MAP2K5: variants seen among roughly 807,000 people sequenced by gnomAD.
MAP2K5 encodes the protein dual specificity mitogen-activated protein kinase kinase 5.
A neutral mutation model predicts 83.1 loss-of-function variants in MAP2K5; 49 were observed. The ratio of observed to expected loss-of-function variants is 0.59; its 90% CI spans 0.47 to 0.75. The LOEUF is 0.75. Ranked by LOEUF, MAP2K5 falls within the 30% of genes least tolerant of loss-of-function variation. The pLI, the probability that MAP2K5 is intolerant of heterozygous loss-of-function variation, is 0.00. For synonymous variants in MAP2K5, 202 were observed against 191.8 expected (o/e 1.05, Z -0.44); for missense variants, 457 against 557.5 (o/e 0.82, Z 1.82).
chr15:67,777,750 T>C lies in MAP2K5; in HGVS notation c.1242+4998T>C, dbSNP rs185172463. Among the ~76,000 whole-genome samples, 33 of 152,368 alleles carry C rather than the reference T, an allele frequency of 2.2e-4. No homozygotes were observed. The East Asian group carries it at 5.0e-3, about 23-fold the overall frequency. On this transcript the variant is annotated intron_variant, in intron 21 of 21. Transcript: ENST00000178640. The surrounding 1 kb of genome is among the most constrained non-coding windows in gnomAD (Gnocchi z 6.0). ...CTGCTTTAGTAATTGTTTAAAAACATGGGTTTTCTCCTTAGGTTCTAGTAA... is the reference window on the plus strand; with the variant it reads ...CTGCTTTAGTAATTGTTTAAAAACACGGGTTTTCTCCTTAGGTTCTAGTAA...
At chr15:67,596,516 C>A (rs2085530783) in intron 7 of MAP2K5, among the ~76,000 whole-genome samples, 1 of 152,182 alleles carries the variant, frequency 6.6e-6, no homozygotes, top group Non-Finnish European at 1.5e-5. Context: ...AAAACTGTAT[C>A]ATTACTAGTA....
At position 67,774,745 on chromosome 15, in the gene MAP2K5, A is replaced by C. The variant is rs1440576080; in HGVS notation, c.1242+1993A>C. Among the ~76,000 whole-genome samples, 1 of 152,166 alleles carries C rather than the reference A, an allele frequency of 6.6e-6. No homozygotes were observed. The highest frequency in any genetic ancestry group is 2.1e-4 in the South Asian group (1 of 4,836). ...CTGGAATGCATGAACTATAGAGCCC[A>C]TTTGTCACCTGGGTGGGGGCCTGTG... On this transcript the variant is annotated intron_variant, in intron 21 of 21. Transcript: ENST00000178640. This position sits in a 1 kb window ranked among gnomAD's most constrained non-coding sequence, Gnocchi z 4.9.
In MAP2K5 at chr15:67,785,240, C is replaced by G. The variant is rs185886961; in HGVS notation, c.1242+12488C>G. Among the ~76,000 whole-genome samples the G allele has an allele frequency of 8.3e-4, 127 of 152,294 alleles. 4 individuals carry two copies. The East Asian group carries it at 0.019, about 22-fold the overall frequency. On this transcript the variant is annotated intron_variant, in intron 21 of 21. Transcript: ENST00000178640. This position sits in a 1 kb window ranked among gnomAD's most constrained non-coding sequence, Gnocchi z 4.4. ...GATTACAGGTGTGAGCCACCGTGCCCGGCCCCGAACTGTTTCTTAAACACA... is the reference window on the plus strand; with the variant it reads ...GATTACAGGTGTGAGCCACCGTGCCGGGCCCCGAACTGTTTCTTAAACACA...
rs974031006 is a variant in MAP2K5, at chr15:67,764,846, G to T, written c.1135-4756G>T. ...GCAAAAGGCCCTTAACTTTTTTCCA[G>T]TTGAGTATTTATGCCAGCCTTCTCC... On this transcript the variant is annotated intron_variant, in intron 19 of 21. Coordinates refer to ENST00000178640, the MANE Select transcript of MAP2K5 (RefSeq NM_145160.3). This position sits in a 1 kb window ranked among gnomAD's most constrained non-coding sequence, Gnocchi z 4.9. 2.0e-5 allele frequency among the ~76,000 whole-genome samples: 3 copies of T among 152,136 alleles called. No homozygotes were observed. The highest frequency in any genetic ancestry group is 7.2e-5 in the African/African-American group (3 of 41,430).
intron 6 of MAP2K5, among the ~76,000 whole-genome samples, chr15:67,588,606 A>G (rs2141006605): frequency 6.6e-6 from 1 of 152,318 alleles, no homozygotes; most frequent in African/African-American, 2.4e-5. Flanking sequence ...ATCATGTTTG[A>G]ATGAATGAAT....
intron 8 of MAP2K5, among the ~76,000 whole-genome samples, chr15:67,601,452 A>T (rs186426603): frequency 1.3e-5 from 2 of 152,332 alleles, no homozygotes; most frequent in East Asian, 3.9e-4. Flanking sequence ...AAAATATTCC[A>T]CTAGGAATTA....
rs867323769 is a variant in MAP2K5, at chr15:67,577,356, C to A, written c.253-3398C>A. Among the ~76,000 whole-genome samples the A allele has an allele frequency of 2.8e-4, 42 of 152,294 alleles. No homozygotes were observed. The highest frequency in any genetic ancestry group is 2.5e-3 in the South Asian group (12 of 4,830). On this transcript the variant is annotated intron_variant, in intron 3 of 21. Transcript: ENST00000178640. The surrounding 1 kb of genome is among the most constrained non-coding windows in gnomAD (Gnocchi z 4.1). ...ATGAGTGGCAGACTTAGAATTCAAC[C>A]CCATTTCAATCAGTAAATGTTTATT...
chr15:67,598,648 G>A (rs1936269307), intron 7 of MAP2K5, among the ~76,000 whole-genome samples: 1 of 152,046 alleles, frequency 6.6e-6, no homozygotes, highest in South Asian at 2.1e-4. Flanking sequence ...GGATGTAAGT[G>A]GTAAAAAGAC....
chr15:67,737,405 C>T (rs753222259), intron 17 of MAP2K5, among the ~76,000 whole-genome samples: 1 of 152,070 alleles, frequency 6.6e-6, no homozygotes. Flanking sequence ...CAGACCTGGC[C>T]GAGCTTTGTT....
At chr15:67,759,418 A>C (rs1596924460) in intron 19 of MAP2K5, among the ~76,000 whole-genome samples, 1 of 151,816 alleles carries the variant, frequency 6.6e-6, no homozygotes, top group African/African-American at 2.4e-5. Flanking sequence ...AAATTAGCCA[A>C]GCATGGTGGC....
chr15:67,773,987 T>C (rs964831185), intron 21 of MAP2K5, among the ~76,000 whole-genome samples: 4 of 152,202 alleles, frequency 2.6e-5, no homozygotes, highest in African/African-American at 9.7e-5. Flanking sequence ...TGTAAATGCA[T>C]GTTTCAATGC....
intron 13 of MAP2K5, among the ~76,000 whole-genome samples, chr15:67,684,618 A>G (rs2087903967): frequency 1.3e-5 from 2 of 152,222 alleles, no homozygotes; most frequent in East Asian, 1.9e-4. Context: ...GAAAAAATCA[A>G]TCTGTAGAAA....
rs1318145808 is a variant in MAP2K5, at chr15:67,572,699, T to C, written c.253-8055T>C. Among the ~76,000 whole-genome samples, 1 of 126,864 alleles carries C rather than the reference T, an allele frequency of 7.9e-6. No individual in the cohort carries two copies. Among genetic ancestry groups the C allele is most frequent in the African/African-American group, 2.6e-5 (1 of 37,984 alleles). The allele number at this position is 126,864 out of a possible 152,430, so 83.2% of individuals were successfully genotyped here. A position where few individuals can be genotyped will look rare whatever the true frequency, so the allele number is the denominator to read the frequency against. On this transcript the variant is annotated intron_variant, in intron 3 of 21. Coordinates refer to ENST00000178640, the MANE Select transcript of MAP2K5 (RefSeq NM_145160.3). This position sits in a 1 kb window ranked among gnomAD's most constrained non-coding sequence, Gnocchi z 4.2. ...TATATTTTGCAAGAATTGATATTAT[T>C]ATTATTATTTTTTTTTTTGAGATGG...
rs1476787092 is a variant in MAP2K5, at chr15:67,778,903, C to G, written c.1242+6151C>G. On this transcript the variant is annotated intron_variant, in intron 21 of 21. Coordinates refer to ENST00000178640, the MANE Select transcript of MAP2K5 (RefSeq NM_145160.3). This position sits in a 1 kb window ranked among gnomAD's most constrained non-coding sequence, Gnocchi z 5.0. ...GCAAAAATCTAAGCTTTTTAAAATA[C>G]TAATGATGGTTAATAAATTGTGAAC... Among the ~76,000 whole-genome samples the G allele has an allele frequency of 6.6e-6, 1 of 152,146 alleles. No individual in the cohort carries two copies. The highest frequency in any genetic ancestry group is 2.4e-5 in the African/African-American group (1 of 41,432).
chr15:67,547,077 A>AACACACACACAC (rs59269114), intron 1 of MAP2K5, among the ~76,000 whole-genome samples: 44,448 of 143,892 alleles, frequency 0.31, 7,723 homozygotes, highest in Non-Finnish European at 0.4. Context: ...AAAAGAAGAA[A>AACACACACACAC]ACACACACAC....
chr15:67,624,589 TTGTGTGTGTGTGTGTGTGTGTG>T (rs71142388), intron 8 of MAP2K5, among the ~76,000 whole-genome samples: 24 of 141,804 alleles, frequency 1.7e-4, no homozygotes, highest in South Asian at 9.3e-4. Flanking sequence ...CACGATCTCT[TTGTGTGTGTGTGTGTGTGTGTG>T]TGTGTGTGTG....
Position 67,586,933 on chromosome 15 carries a change from G to C in MAP2K5, c.431+20G>C. The C allele has an allele frequency of 2.5e-6, 4 of 1,613,672 alleles. No homozygotes were observed. Among genetic ancestry groups the C allele is most frequent in the Non-Finnish European group, 3.4e-6 (4 of 1,179,578 alleles). On this transcript the variant is annotated intron_variant, in intron 6 of 21. Transcript: ENST00000178640. ...CAATAGGTGCGAGCGAGCAAGTAAA[G>C]TGTGCCCTTGATGTGATTTATCTAC... is the stretch of plus-strand genomic sequence containing the variant.
chr15:67,693,340 A>G (rs1332936297), intron 14 of MAP2K5, among the ~76,000 whole-genome samples, 178 bp from the exon 15 acceptor site: 1 of 152,186 alleles, frequency 6.6e-6, no homozygotes, highest in Non-Finnish European at 1.5e-5. Context: ...TGGAAATCAC[A>G]TTCAAAAGAA....
intron 1 of MAP2K5, among the ~76,000 whole-genome samples, chr15:67,548,637 T>C (rs2140942237): frequency 6.6e-6 from 1 of 152,336 alleles, no homozygotes; most frequent in East Asian, 1.9e-4. Context: ...CTGTAGCTGT[T>C]TGGCTGCAAT....
Sources: allele counts gnomAD v4.1 joint callset (sites outside exome capture counted in the v4.1 genomes callset), GRCh38; gene constraint gnomAD v4.1.1; non-coding constraint Gnocchi (gnomAD v3.1); transcripts MANE v1.5; gene names NCBI Gene and HGNC (gene_info 2026-07-23, HGNC 2026-07-21).